The following NLGN1 variants were observed in gnomAD, a reference collection of about 807,000 sequenced individuals.
The protein encoded by NLGN1 is neuroligin 1.
Under a neutral mutation model 65.5 loss-of-function variants are expected in NLGN1, and 12 were observed. That is an observed-to-expected ratio of 0.18 (90% CI 0.12 to 0.30). NLGN1 has a LOEUF of 0.30. Ranked by LOEUF, NLGN1 falls within the 10% of genes least tolerant of loss-of-function variation. The pLI is 1.00. For synonymous variants in NLGN1, 350 were observed against 359.5 expected (o/e 0.97, Z 0.30); for missense variants, 750 against 1,007.1 (o/e 0.74, Z 3.46).
chr3:173,801,538 T>G (rs760717914), intron 3 of NLGN1, among the ~76,000 whole-genome samples: 5 of 152,096 alleles, frequency 3.3e-5, no homozygotes, highest in Non-Finnish European at 7.4e-5. Flanking sequence ...TTGCCTTATT[T>G]GCATTGACAT....
intron 4 of NLGN1, among the ~76,000 whole-genome samples, chr3:174,183,593 G>T (rs776295086): frequency 3.3e-5 from 5 of 152,120 alleles, no homozygotes; most frequent in Non-Finnish European, 5.9e-5. Context: ...AGGGAAAGGA[G>T]AAAAAGAAGA....
intron 2 of NLGN1, among the ~76,000 whole-genome samples, chr3:173,435,826 C>A (rs1300104669): frequency 6.6e-6 from 1 of 152,044 alleles, no homozygotes; most frequent in African/African-American, 2.4e-5. Flanking sequence ...CAGAGCAAGA[C>A]TCCCTTTAAA....
intron 1 of NLGN1, among the ~76,000 whole-genome samples, chr3:173,415,013 A>G (rs938473564): frequency 6.6e-6 from 1 of 152,262 alleles, no homozygotes; most frequent in African/African-American, 2.4e-5. Flanking sequence ...CAAGAGGGCT[A>G]TCAAGGAGGC....
At chr3:174,220,095 C>G (rs571055235) in intron 4 of NLGN1, among the ~76,000 whole-genome samples, 2 of 151,376 alleles carry the variant, frequency 1.3e-5, no homozygotes, top group African/African-American at 4.8e-5. Context: ...ACAACACTAA[C>G]GAAAACAGAG....
At chr3:173,577,645 A>G (rs1285370751) in intron 2 of NLGN1, among the ~76,000 whole-genome samples, 1 of 152,236 alleles carries the variant, frequency 6.6e-6, no homozygotes, top group African/African-American at 2.4e-5. Context: ...TGAATGTAAC[A>G]TAGTTTTGTC....
intron 2 of NLGN1, among the ~76,000 whole-genome samples, chr3:173,554,569 T>A (rs1741412973): frequency 6.6e-6 from 1 of 152,236 alleles, no homozygotes; most frequent in African/African-American, 2.4e-5. Flanking sequence ...ATGAATTGTG[T>A]TTGACTTCTC....
At chr3:173,953,060 T>C (rs567812593) in intron 4 of NLGN1, among the ~76,000 whole-genome samples, 215 of 152,310 alleles carry the variant, frequency 1.4e-3, no homozygotes, top group African/African-American at 4.8e-3. Context: ...ATTACAGGCG[T>C]GAGCCACCGT....
intron 2 of NLGN1, among the ~76,000 whole-genome samples, chr3:173,484,840 G>A (rs1206371404): frequency 6.6e-6 from 1 of 152,092 alleles, no homozygotes; most frequent in African/African-American, 2.4e-5. Context: ...GACATGTGAT[G>A]CTTTTGTTTC....
intron 4 of NLGN1, among the ~76,000 whole-genome samples, chr3:173,950,663 A>C (rs962893231): frequency 2.0e-5 from 3 of 151,922 alleles, no homozygotes; most frequent in Non-Finnish European, 4.4e-5. Flanking sequence ...AAATACAAAA[A>C]TTAGCCGGGT....
In NLGN1 at chr3:174,052,874, A is replaced by G. The variant is rs146285430; in HGVS notation, c.647-222441A>G. ...AATCAGTGGATATTATTATTTTACA[A>G]AGCCACCTGCTTTGTGCAAGTAGCA... On this transcript the variant is annotated intron_variant, in intron 4 of 6. Transcript: ENST00000457714. Among the ~76,000 whole-genome samples, 951 of 152,106 alleles carry G rather than the reference A, an allele frequency of 6.3e-3. 22 individuals carry two copies. The highest frequency in any genetic ancestry group is 0.039 in the East Asian group (199 of 5,162).
chr3:174,292,419 T>C, the NLGN1 span, among the ~76,000 whole-genome samples: 58 of 151,352 alleles, frequency 3.8e-4, no homozygotes, highest in Non-Finnish European at 7.4e-4. Context: ...ACAAAGATGA[T>C]CTCACTATCT....
At chr3:173,706,823 A>C (rs547679621) in intron 3 of NLGN1, among the ~76,000 whole-genome samples, 8 of 152,372 alleles carry the variant, frequency 5.3e-5, no homozygotes, top group Admixed American at 1.3e-4. Context: ...ACACACGCCC[A>C]CGCGTGCACG....
intron 4 of NLGN1, among the ~76,000 whole-genome samples, chr3:174,219,513 T>C (rs909460677): frequency 6.6e-6 from 1 of 152,162 alleles, no homozygotes; most frequent in Non-Finnish European, 1.5e-5. Flanking sequence ...AAATCTGGAA[T>C]GAGGCCTAGA....
At chr3:173,654,044 T>C (rs1001146039) in intron 3 of NLGN1, among the ~76,000 whole-genome samples, 1 of 152,182 alleles carries the variant, frequency 6.6e-6, no homozygotes, top group African/African-American at 2.4e-5. Context: ...ACCCAGCTGA[T>C]GCCATATGGA....
intron 4 of NLGN1, among the ~76,000 whole-genome samples, chr3:173,972,826 A>C (rs1442437310): frequency 1.3e-5 from 2 of 150,452 alleles, no homozygotes; most frequent in African/African-American, 5.0e-5. Context: ...TCTCCTGCAA[A>C]ATTGTTATAC....
chr3:174,148,838 T>C (rs554203725), intron 4 of NLGN1, among the ~76,000 whole-genome samples: 3 of 152,328 alleles, frequency 2.0e-5, no homozygotes, highest in Admixed American at 1.3e-4. Context: ...AAGTAAAGCA[T>C]TTATTACTTG....
At chr3:174,235,395 C>A (rs879342405) in intron 4 of NLGN1, among the ~76,000 whole-genome samples, 6 of 152,042 alleles carry the variant, frequency 3.9e-5, no homozygotes, top group African/African-American at 1.2e-4. Flanking sequence ...GAAAAAGGAA[C>A]AACAGAAAGC....
chr3:173,544,801 G>A (rs141783759), intron 2 of NLGN1, among the ~76,000 whole-genome samples: 16 of 152,134 alleles, frequency 1.1e-4, no homozygotes, highest in Non-Finnish European at 1.8e-4. Flanking sequence ...GGAAAAGGGC[G>A]CAGAAGAGAA....
At chr3:173,919,132 A>G (rs144842384) in intron 4 of NLGN1, among the ~76,000 whole-genome samples, 142 of 151,782 alleles carry the variant, frequency 9.4e-4, no homozygotes, top group African/African-American at 3.3e-3. Context: ...GATAATCTCT[A>G]TATCTCAAGA....
Sources: gnomAD v4.1 joint callset for allele counts (sites outside exome capture counted in the v4.1 genomes callset) on GRCh38, gnomAD v4.1.1 for gene constraint, MANE v1.5 for transcripts, NCBI Gene and HGNC (gene_info 2026-07-23, HGNC 2026-07-21) for gene names.